The following MYH15 variants were observed in gnomAD, a reference collection of about 807,000 sequenced individuals.
MYH15 encodes myosin heavy chain 15.
In MYH15, 227 loss-of-function variants were observed where a neutral mutation model predicts 240.5. The observed-to-expected ratio is 0.94, with a 90% CI of 0.85 to 1.05. MYH15 has a LOEUF of 1.05. Ranked by LOEUF, MYH15 falls within the 50% of genes least tolerant of loss-of-function variation. The probability of loss-of-function intolerance (pLI) is 0.00; values close to 1 mark genes in which losing one functional copy is unlikely to be tolerated. For missense variants in MYH15, 2,217 were observed against 2,247.5 expected (o/e 0.99, Z 0.27); for synonymous variants, 785 against 796.7 (o/e 0.99, Z 0.25).
At chr3:108,518,104 T>C (rs2083588534) in intron 1 of MYH15, among the ~76,000 whole-genome samples, 1 of 152,216 alleles carries the variant, frequency 6.6e-6, no homozygotes, top group East Asian at 1.9e-4. Context: ...ATCTGAGTTC[T>C]GAGTGTGTAT....
upstream of MYH15, among the ~76,000 whole-genome samples, chr3:108,533,047 C>T (rs2083721914): frequency 6.6e-6 from 1 of 151,012 alleles, no homozygotes; most frequent in Non-Finnish European, 1.5e-5. Flanking sequence ...TTTGTTGTTC[C>T]TAGTCTCAAA....
chr3:108,476,238 A>G (rs2083219118), intron 12 of MYH15, among the ~76,000 whole-genome samples, 159 bp downstream of exon 12: 1 of 152,212 alleles, frequency 6.6e-6, no homozygotes, highest in Non-Finnish European at 1.5e-5. Context: ...CATCACAAGT[A>G]AAAACATTTG....
the MYH15 span, among the ~76,000 whole-genome samples, chr3:108,540,090 A>T: frequency 0.43 from 65,058 of 152,070 alleles, 14,827 homozygotes; most frequent in East Asian, 0.59. Flanking sequence ...TCCATGATAC[A>T]TTCATTTCAG....
At chr3:108,426,700 G>T (rs2082727166) in intron 27 of MYH15, among the ~76,000 whole-genome samples, 2 of 152,166 alleles carry the variant, frequency 1.3e-5, no homozygotes, top group African/African-American at 4.8e-5. Context: ...GGCAGTGGTG[G>T]TACTGTGAGG....
the MYH15 span, among the ~76,000 whole-genome samples, chr3:108,544,516 C>T: frequency 4.6e-5 from 7 of 152,252 alleles, no homozygotes; most frequent in African/African-American, 1.7e-4. Context: ...ATCCAAGTCT[C>T]TTATTCAGTA....
chr3:108,529,240 A>T (rs1408112230), intron 1 of MYH15: 1 of 1,597,940 alleles, frequency 6.3e-7, no homozygotes, highest in Non-Finnish European at 8.6e-7. Context: ...ACAAATTAAA[A>T]CATATGTTGG....
At chr3:108,501,981 G>T in intron 2 of MYH15, 126 bp from the exon 3 acceptor site, 1 of 1,005,706 alleles carries the variant, frequency 9.9e-7, no homozygotes, top group Non-Finnish European at 1.5e-6. Flanking sequence ...GATGGGGCCA[G>T]AAGAAATTAA....
At chr3:108,479,010 T>C (rs994433350) in intron 11 of MYH15, among the ~76,000 whole-genome samples, 1 of 152,192 alleles carries the variant, frequency 6.6e-6, no homozygotes, top group African/African-American at 2.4e-5. Context: ...ACATCACATA[T>C]GTTCTCTGTT....
upstream of MYH15, among the ~76,000 whole-genome samples, chr3:108,532,385 T>C (rs1228441381): frequency 6.6e-6 from 1 of 152,188 alleles, no homozygotes; most frequent in Non-Finnish European, 1.5e-5. Flanking sequence ...CCTGTTTGAC[T>C]CCTTAGAGCT....
At chr3:108,519,702 T>C (rs932184364) in intron 1 of MYH15, among the ~76,000 whole-genome samples, 3 of 152,192 alleles carry the variant, frequency 2.0e-5, no homozygotes, top group African/African-American at 2.4e-5. Flanking sequence ...AAATGGAACA[T>C]TGTCATGATA....
chr3:108,444,530 A>G (rs2082910937), intron 22 of MYH15, 110 bp downstream of exon 22: 1 of 1,253,332 alleles, frequency 8.0e-7, no homozygotes, highest in South Asian at 1.5e-5. Flanking sequence ...ATCCTTTGGT[A>G]TTTGAAAACC....
chr3:108,512,996 CT>C (rs2107256729), upstream of MYH15, among the ~76,000 whole-genome samples: 1 of 152,256 alleles, frequency 6.6e-6, no homozygotes, highest in African/African-American at 2.4e-5. Flanking sequence ...CATTAACCCC[CT>C]AATGTCCTAC....
At chr3:108,524,134 T>C (rs1559677044) in intron 1 of MYH15, among the ~76,000 whole-genome samples, 1 of 151,964 alleles carries the variant, frequency 6.6e-6, no homozygotes, top group African/African-American at 2.4e-5. Flanking sequence ...CAGATTGTTT[T>C]CCAAAAAGGC....
At chr3:108,534,780 C>A in the MYH15 span, among the ~76,000 whole-genome samples, 62 of 151,284 alleles carry the variant, frequency 4.1e-4, no homozygotes, top group African/African-American at 1.5e-3. Flanking sequence ...ACTTGCAAGG[C>A]TGAGGCAGGA....
At chr3:108,463,523 T>C (rs1040440788) in intron 15 of MYH15, among the ~76,000 whole-genome samples, 4 of 151,988 alleles carry the variant, frequency 2.6e-5, no homozygotes, top group African/African-American at 4.8e-5. Context: ...GTGTGGAGAT[T>C]TGGTTTCCAC....
In MYH15 at chr3:108,428,681, T is replaced by C. The variant is rs778334493; in HGVS notation, c.3513A>G (p.Glu1171=). Residue 1171 remains glutamate, a synonymous_variant, in exon 27 of 41, where the codon GAA becomes GAG. Transcript: ENST00000693548. ...TTGTCTCAAAGTGCAGAGTGGCCTC[T>C]TCCATGTCTCGGTGCAGCTTCTGGA... ...TKFQKLHRDM[E]EATLHFETTS... is the part of the protein sequence containing the mutation. The C allele has an allele frequency of 1.2e-6, 2 of 1,613,918 alleles. No homozygotes were observed. The highest frequency in any genetic ancestry group is 2.2e-5 in the East Asian group (1 of 44,842).
At chr3:108,530,475 G>C (rs943205780), upstream of MYH15, among the ~76,000 whole-genome samples, 8 of 152,104 alleles carry the variant, frequency 5.3e-5, no homozygotes, top group African/African-American at 1.7e-4. Context: ...GATTTTTTAG[G>C]GCAGTGAAAC....
chr3:108,539,620 T>A, the MYH15 span, among the ~76,000 whole-genome samples: 2 of 152,116 alleles, frequency 1.3e-5, no homozygotes, highest in Admixed American at 6.6e-5. Context: ...AAAATATAAT[T>A]TACGGGTAAC....
intron 40 of MYH15, 44 bp downstream of exon 40, chr3:108,383,551 A>C (rs1453769526): frequency 6.3e-7 from 1 of 1,598,076 alleles, no homozygotes. Context: ...AGCCCTAAAC[A>C]AACATGATTA....
Sources: gnomAD v4.1 joint callset for allele counts (sites outside exome capture counted in the v4.1 genomes callset) on GRCh38, gnomAD v4.1.1 for gene constraint, MANE v1.5 for transcripts, NCBI Gene and HGNC (gene_info 2026-07-23, HGNC 2026-07-21) for gene names.